Variants in PPP5C observed in about 807,000 individuals in gnomAD.
PPP5C encodes protein phosphatase 5 catalytic subunit.
PPP5C carries 21 observed loss-of-function variants against 66.7 expected under a neutral mutation model. The observed-to-expected ratio is 0.31, with a 90% CI of 0.22 to 0.45. The LOEUF is 0.45. PPP5C is among the 20% of genes least tolerant of loss of function. The pLI is 1.00. For synonymous variants in PPP5C, 246 were observed against 257.4 expected (o/e 0.96, Z 0.43); for missense variants, 464 against 675.9 (o/e 0.69, Z 3.48).
rs374822235 is a variant in PPP5C, at chr19:46,380,137, CT to C, written c.634-3273del. 2.4e-3 allele frequency among the ~76,000 whole-genome samples: 363 copies of C among 152,136 alleles called. 4 individuals carry two copies. The highest frequency in any genetic ancestry group is 8.4e-3 in the African/African-American group (347 of 41,506). On this transcript the variant is annotated intron_variant, in intron 4 of 12. Transcript: ENST00000012443. ...CTGGTCAACATGGCAAAAACCCCAT[CT>C]CTACAACCCTGTCTCTACTAAAAAT...
rs1972237150 is a variant in PPP5C at position 46,353,912 on chromosome 19, A to G, written c.286A>G (p.Ile96Val). 1 of 1,605,080 alleles carries G rather than the reference A, an allele frequency of 6.2e-7. No homozygotes were observed. Among genetic ancestry groups the G allele is most frequent in the Non-Finnish European group, 8.5e-7 (1 of 1,176,408 alleles). Reference protein sequence around the residue: ...TRAIELDKKYIKGYYRRAASN... With the variant: ...TRAIELDKKYVKGYYRRAASN... ...GGCCATTGAGCTGGACAAGAAGTACATCAAGGGTTATTACCGCCGGGCTGC... is the reference window on the plus strand; with the variant it reads ...GGCCATTGAGCTGGACAAGAAGTACGTCAAGGGTTATTACCGCCGGGCTGC... The change falls in exon 2 of 13, where the codon ATC (isoleucine) becomes GTC (valine). Residue 96 changes from isoleucine (I) to valine (V), a missense_variant. This residue lies in a region of PPP5C where 387 missense variants were observed against 626.0 expected (regional missense o/e 0.62). Coordinates refer to ENST00000012443, the MANE Select transcript of PPP5C (RefSeq NM_006247.4).
chr19:46,366,370 G>C (rs1044378827), intron 2 of PPP5C, among the ~76,000 whole-genome samples: 2 of 151,886 alleles, frequency 1.3e-5, no homozygotes. Context: ...TTTAGAGACA[G>C]AATTTTACTC....
chr19:46,383,119 T>C lies in PPP5C; in HGVS notation c.634-292T>C. 3.0e-6 allele frequency: 4 copies of C among 1,312,570 alleles called. No homozygotes were observed. Among genetic ancestry groups the C allele is most frequent in the Non-Finnish European group, 4.0e-6 (4 of 1,007,598 alleles). 81.3% of individuals were successfully genotyped at this position (1,312,570 alleles called of 1,614,324 possible). A position where few individuals can be genotyped will look rare whatever the true frequency, so the allele number is the denominator to read the frequency against. The stretch of plus-strand genomic sequence containing the variant: ...TTCTTTTATAAAATGTTCTACGATC[T>C]GGATTCATGCATGTATTTCCACTTG... On this transcript the variant is annotated intron_variant, in intron 4 of 12. Coordinates refer to ENST00000012443, the MANE Select transcript of PPP5C (RefSeq NM_006247.4). The surrounding 1 kb of genome is among the most constrained non-coding windows in gnomAD (Gnocchi z 5.0).
chr19:46,386,339 T>G (rs1050764183), intron 7 of PPP5C, among the ~76,000 whole-genome samples: 6 of 152,144 alleles, frequency 3.9e-5, no homozygotes, highest in African/African-American at 1.2e-4. Context: ...GGGCGAAGCC[T>G]GCATGCCCGT....
At chr19:46,380,517 G>A (rs971673132) in intron 4 of PPP5C, among the ~76,000 whole-genome samples, 4 of 151,990 alleles carry the variant, frequency 2.6e-5, no homozygotes, top group African/African-American at 7.2e-5. Context: ...CTTACTCCTT[G>A]TTTCTTCTTC....
chr19:46,359,322 G>A (rs1972341157), intron 2 of PPP5C, among the ~76,000 whole-genome samples: 1 of 152,120 alleles, frequency 6.6e-6, no homozygotes, highest in African/African-American at 2.4e-5. Flanking sequence ...TTTCTCGGAA[G>A]TAAAACAAGA....
In PPP5C at chr19:46,376,344, C is replaced by A; in HGVS notation, c.512-109C>A. Reference sequence around the variant, plus strand: ...CTCTTCACTCACTCTGTCCCGCTCTCGACCTGTGTGTCCACACCCAAGTTT... The same window carrying A: ...CTCTTCACTCACTCTGTCCCGCTCTAGACCTGTGTGTCCACACCCAAGTTT... On this transcript the variant is annotated intron_variant, in intron 3 of 12. Transcript: ENST00000012443. This position sits in a 1 kb window ranked among gnomAD's most constrained non-coding sequence, Gnocchi z 5.1. 1 of 1,429,872 alleles carries A rather than the reference C, an allele frequency of 7.0e-7. No individual in the cohort carries two copies. Among genetic ancestry groups the A allele is most frequent in the Non-Finnish European group, 9.6e-7 (1 of 1,040,810 alleles). The allele number at this position is 1,429,872 out of a possible 1,614,324, so 88.6% of individuals were successfully genotyped here.
In PPP5C at chr19:46,387,248, C is replaced by G. The variant is rs73942403; in HGVS notation, c.1047+13C>G. On this transcript the variant is annotated intron_variant, in intron 8 of 12. Coordinates refer to ENST00000012443, the MANE Select transcript of PPP5C (RefSeq NM_006247.4). ...CGGCAAAGTGCTGGTGAGGACGGCG[C>G]GAGCCCTGAGTGTGGGTTCCCCACC... is the stretch of plus-strand genomic sequence containing the variant. 2.3e-5 allele frequency: 37 copies of G among 1,614,064 alleles called. No individual in the cohort carries two copies. The South Asian group carries it at 3.7e-4, about 16-fold the overall frequency.
chr19:46,353,686 G>A (rs768121260), intron 1 of PPP5C, 62 bp from the exon 2 acceptor site: 62 of 1,603,636 alleles, frequency 3.9e-5, no homozygotes, highest in Non-Finnish European at 5.3e-5. Flanking sequence ...GCGTCACCCA[G>A]CCCAGGGCCT....
intron 4 of PPP5C, chr19:46,382,835 C>T: frequency 9.7e-7 from 1 of 1,036,050 alleles, no homozygotes; most frequent in South Asian, 3.5e-5. Context: ...GAAACATTGA[C>T]AAATATGCAT....
In PPP5C at chr19:46,370,578, G is replaced by A. The variant is rs73940695; in HGVS notation, c.364-5026G>A. On this transcript the variant is annotated intron_variant, in intron 2 of 12. Transcript: ENST00000012443. ...GGTGGTTCGCTTGGCTTCTTTTTTC[G>A]TCATGGATTTGTGTGAGTAATGGCG... is the stretch of plus-strand genomic sequence containing the variant. Among the ~76,000 whole-genome samples the A allele has an allele frequency of 7.9e-3, 1,196 of 152,202 alleles. 20 individuals are homozygous for A. Among genetic ancestry groups the A allele is most frequent in the African/African-American group, 0.027 (1,102 of 41,522 alleles).
chr19:46,389,760 T>C (rs1972978214), intron 11 of PPP5C, among the ~76,000 whole-genome samples: 1 of 152,050 alleles, frequency 6.6e-6, no homozygotes, highest in African/African-American at 2.4e-5. Flanking sequence ...AGAAGCGTGG[T>C]CAGATTCCTA....
intron 1 of PPP5C, among the ~76,000 whole-genome samples, chr19:46,347,728 G>A (rs1405250414): frequency 6.6e-6 from 1 of 151,776 alleles, no homozygotes; most frequent in African/African-American, 2.4e-5. Context: ...TGATGGTGGG[G>A]GCCTTGGGAG....
Position 46,383,650 on chromosome 19 carries a change from T to C in PPP5C, c.700-130T>C, listed in dbSNP as rs13344337. 2,968 of 1,026,576 alleles carry C rather than the reference T, an allele frequency of 2.9e-3. 54 individuals are homozygous for C. The African/African-American group carries it at 0.042, about 14-fold the overall frequency. 63.6% of individuals were successfully genotyped at this position (1,026,576 alleles called of 1,614,324 possible). On this transcript the variant is annotated intron_variant, in intron 5 of 12. Coordinates refer to ENST00000012443, the MANE Select transcript of PPP5C (RefSeq NM_006247.4). This position sits in a 1 kb window ranked among gnomAD's most constrained non-coding sequence, Gnocchi z 5.0. ...CTCCTGGCCTCTTGGTCTTCGTTTG[T>C]GTTCCCTGCTTGTGTCTCTTGCATG...
intron 12 of PPP5C, 40 bp downstream of exon 12, chr19:46,390,172 C>A: frequency 6.2e-7 from 1 of 1,610,730 alleles, no homozygotes; most frequent in Non-Finnish European, 8.5e-7. Context: ...TCCATCCCGG[C>A]CTGGGGACAA....
At chr19:46,371,043 G>A (rs1704760829) in intron 2 of PPP5C, among the ~76,000 whole-genome samples, 1 of 152,100 alleles carries the variant, frequency 6.6e-6, no homozygotes, top group Non-Finnish European at 1.5e-5. Context: ...TCCAGCCTGT[G>A]TGTGTGTGTC....
Position 46,387,166 on chromosome 19 carries a change from G to C in PPP5C, c.978G>C (p.Gln326His), listed in dbSNP as rs375447747. The C allele has an allele frequency of 1.1e-5, 17 of 1,614,150 alleles. No individual in the cohort carries two copies. In the African/African-American group the frequency reaches 2.0e-4, roughly 19 times the overall value. ...AGGTGAAGGCCAAGTACACAGCCCA[G>C]ATGTACGAGCTCTTTAGCGAGGTGT... ...EGEVKAKYTAQMYELFSEVFE... is the reference protein window; with the variant it reads ...EGEVKAKYTAHMYELFSEVFE... Residue 326 changes from glutamine to histidine, a missense_variant, in exon 8 of 13, where the codon CAG (glutamine) becomes CAC (histidine). Transcript: ENST00000012443.
chr19:46,387,486 A>G (rs1038801620), intron 9 of PPP5C, 33 bp downstream of exon 9: 5 of 1,614,010 alleles, frequency 3.1e-6, no homozygotes, highest in Non-Finnish European at 4.2e-6. Flanking sequence ...TCTCCAGCAG[A>G]AAGGGGCAGC....
intron 4 of PPP5C, among the ~76,000 whole-genome samples, chr19:46,379,140 G>T (rs1972747113): frequency 6.6e-6 from 1 of 152,218 alleles, no homozygotes; most frequent in South Asian, 2.1e-4. Flanking sequence ...TGCAACCTCT[G>T]TGTCCCAGAT....
Sources: allele counts gnomAD v4.1 joint callset (sites outside exome capture counted in the v4.1 genomes callset), GRCh38; gene constraint gnomAD v4.1.1; regional missense constraint gnomAD v4.1.1; non-coding constraint Gnocchi (gnomAD v3.1); transcripts MANE v1.5; gene names NCBI Gene and HGNC (gene_info 2026-07-23, HGNC 2026-07-21).